The following SLCO6A1 variants were observed in gnomAD, a reference collection of about 807,000 sequenced individuals.
SLCO6A1 encodes cancer/testis antigen 48.
A neutral mutation model predicts 72.7 loss-of-function variants in SLCO6A1; 65 were observed. The observed-to-expected ratio is 0.89, with a 90% CI of 0.73 to 1.10. The LOEUF (loss-of-function observed/expected upper bound fraction) is 1.10, where lower values mean the gene tolerates loss of function less well. Ranked by LOEUF, SLCO6A1 falls within the 50% of genes least tolerant of loss-of-function variation. SLCO6A1 has a pLI of 0.00. For missense variants in SLCO6A1, 874 were observed against 872.6 expected, an observed-to-expected ratio of 1.00 and a Z score of -0.02; for synonymous variants, 314 against 298.2, an observed-to-expected ratio of 1.05 and a Z score of -0.55.
intron 7 of SLCO6A1, among the ~76,000 whole-genome samples, chr5:102,421,200 C>T (rs376609062): frequency 5.3e-5 from 8 of 152,138 alleles, no homozygotes; most frequent in African/African-American, 1.9e-4. Flanking sequence ...GCCAGTTGGG[C>T]AGACAATGAG....
intron 4 of SLCO6A1, among the ~76,000 whole-genome samples, chr5:102,475,440 T>C (rs918470068): frequency 4.6e-5 from 7 of 152,122 alleles, no homozygotes; most frequent in Non-Finnish European, 8.8e-5. Context: ...TTTTGCAAGA[T>C]GCAAAAATTC....
intron 9 of SLCO6A1, among the ~76,000 whole-genome samples, chr5:102,400,515 A>C (rs1036172139): frequency 2.1e-4 from 32 of 152,098 alleles, no homozygotes; most frequent in African/African-American, 7.7e-4. Flanking sequence ...TTGTGGTTGT[A>C]GGGTGGATAA....
rs754630544 is a variant in SLCO6A1 at position 102,442,242 on chromosome 5, G to A, written c.1132-3481C>T. 2.6e-5 allele frequency among the ~76,000 whole-genome samples: 4 copies of A among 152,082 alleles called. No homozygotes were observed. In the South Asian group the frequency reaches 8.3e-4, roughly 32 times the overall value. On this transcript the variant is annotated intron_variant, in intron 6 of 13. Transcript: ENST00000506729. Reference sequence around the variant, plus strand: ...CACTAGGCAGATTTCTGGATTTAGAGTCAAATACAACACTTATTCTTATGC... The same window carrying A: ...CACTAGGCAGATTTCTGGATTTAGAATCAAATACAACACTTATTCTTATGC...
At chr5:102,470,357 G>C (rs1751542307) in intron 4 of SLCO6A1, among the ~76,000 whole-genome samples, 3 of 152,214 alleles carry the variant, frequency 2.0e-5, no homozygotes, top group Admixed American at 1.3e-4. Context: ...GGTCTATTCA[G>C]AGATTCAACT....
intron 6 of SLCO6A1, among the ~76,000 whole-genome samples, chr5:102,450,412 T>C (rs993022902): frequency 1.3e-5 from 2 of 152,232 alleles, no homozygotes; most frequent in African/African-American, 4.8e-5. Flanking sequence ...ATTTTCAGTG[T>C]TGAAGTTTGG....
chr5:102,472,697 T>G (rs1751690036), intron 4 of SLCO6A1, among the ~76,000 whole-genome samples: 1 of 151,952 alleles, frequency 6.6e-6, no homozygotes. Flanking sequence ...AAGAGATGGT[T>G]TTTTAAAAGA....
At chr5:102,491,146 G>A (rs1036447761) in intron 1 of SLCO6A1, among the ~76,000 whole-genome samples, 1 of 152,158 alleles carries the variant, frequency 6.6e-6, no homozygotes, top group Non-Finnish European at 1.5e-5. Context: ...CAAGAGTAGA[G>A]TAGCTAAATA....
At chr5:102,490,038 T>C (rs1483046192) in intron 1 of SLCO6A1, among the ~76,000 whole-genome samples, 1 of 152,140 alleles carries the variant, frequency 6.6e-6, no homozygotes, top group Non-Finnish European at 1.5e-5. Context: ...TCTAAAAAGG[T>C]TGATCTTACA....
At chr5:102,478,414 T>C (rs1250813994) in intron 2 of SLCO6A1, among the ~76,000 whole-genome samples, 1 of 152,200 alleles carries the variant, frequency 6.6e-6, no homozygotes, top group Non-Finnish European at 1.5e-5. Flanking sequence ...TTTCTGAGTT[T>C]AGTTTTATGT....
At chr5:102,376,266 G>T (rs1465310612) in intron 12 of SLCO6A1, among the ~76,000 whole-genome samples, 1 of 151,986 alleles carries the variant, frequency 6.6e-6, no homozygotes, top group Non-Finnish European at 1.5e-5. Context: ...CTGTATAAAA[G>T]AAATGCTAAA....
chr5:102,478,626 T>C (rs1157513870), intron 2 of SLCO6A1, among the ~76,000 whole-genome samples: 1 of 152,204 alleles, frequency 6.6e-6, no homozygotes, highest in Non-Finnish European at 1.5e-5. Flanking sequence ...TCTTATACTT[T>C]TTTTATTCAC....
chr5:102,438,080 G>T (rs751538008), intron 7 of SLCO6A1, among the ~76,000 whole-genome samples: 2 of 151,844 alleles, frequency 1.3e-5, no homozygotes, highest in African/African-American at 2.4e-5. Context: ...TCATTACTAC[G>T]CTGGTTGGAA....
intron 12 of SLCO6A1, among the ~76,000 whole-genome samples, chr5:102,384,788 G>A (rs1162213288): frequency 3.3e-5 from 5 of 151,974 alleles, no homozygotes; most frequent in East Asian, 1.9e-4. Context: ...ATTTGACCAC[G>A]TATTTACTTT....
chr5:102,373,624 T>C, intron 12 of SLCO6A1, 130 bp from the exon 13 acceptor site: 1 of 454,048 alleles, frequency 2.2e-6, no homozygotes, highest in Non-Finnish European at 3.7e-6. Flanking sequence ...AATTTTAGAA[T>C]GCAATTAATG....
rs531089324 is a variant in SLCO6A1, at chr5:102,439,886, G to A, written c.1132-1125C>T. Among the ~76,000 whole-genome samples, 4 of 152,228 alleles carry A rather than the reference G, an allele frequency of 2.6e-5. No individual in the cohort carries two copies. The South Asian group carries it at 6.2e-4, about 24-fold the overall frequency. On this transcript the variant is annotated intron_variant, in intron 6 of 13. Transcript: ENST00000506729. The stretch of plus-strand genomic sequence containing the variant: ...CTTGTACTTTCTAAAAGTTATCAAA[G>A]AAATATTTATGGTTTAGCATGCCCA...
intron 7 of SLCO6A1, among the ~76,000 whole-genome samples, chr5:102,424,031 A>C (rs143966829): frequency 0.013 from 2,033 of 152,284 alleles, 41 homozygotes; most frequent in African/African-American, 0.046. Context: ...CTACTGGGTA[A>C]ATAATAAAAT....
intron 12 of SLCO6A1, among the ~76,000 whole-genome samples, chr5:102,374,467 T>G (rs905073581): frequency 5.3e-5 from 8 of 152,128 alleles, no homozygotes; most frequent in Non-Finnish European, 1.2e-4. Flanking sequence ...ACCTGGCTAA[T>G]TTTTTAGAAA....
At chr5:102,487,278 C>T (rs1314683253) in intron 1 of SLCO6A1, among the ~76,000 whole-genome samples, 11 of 152,144 alleles carry the variant, frequency 7.2e-5, no homozygotes, top group African/African-American at 2.4e-4. Flanking sequence ...AGTAATATCA[C>T]TATGGCCTTT....
At chr5:102,378,594 A>C (rs1745930754) in intron 12 of SLCO6A1, among the ~76,000 whole-genome samples, 2 of 144,278 alleles carry the variant, frequency 1.4e-5, no homozygotes, top group Non-Finnish European at 3.1e-5. Flanking sequence ...GCAAACCAAA[A>C]TTATGTAAGT....
Sources: allele counts gnomAD v4.1 joint callset (sites outside exome capture counted in the v4.1 genomes callset), GRCh38; gene constraint gnomAD v4.1.1; transcripts MANE v1.5; gene names NCBI Gene and HGNC (gene_info 2026-07-23, HGNC 2026-07-21).